Variants in DYNC2LI1 observed in about 807,000 individuals in gnomAD.
The protein encoded by DYNC2LI1 is cytoplasmic dynein 2 light intermediate chain 1.
DYNC2LI1 carries 45 observed loss-of-function variants against 51.9 expected under a neutral mutation model. The observed-to-expected ratio is 0.87, with a 90% confidence interval of 0.68 to 1.11. The LOEUF (loss-of-function observed/expected upper bound fraction) is 1.11. Among genes scored for constraint, DYNC2LI1 ranks in the 50% most tolerant of loss-of-function variants. DYNC2LI1 has a pLI of 0.00. For synonymous variants in DYNC2LI1, 130 were observed against 137.8 expected (o/e 0.94, Z 0.40); for missense variants, 490 against 417.4 (o/e 1.17, Z -1.51).
chr2:43,792,841 C>A, intron 5 of DYNC2LI1: 1 of 1,496,086 alleles, frequency 6.7e-7, no homozygotes, highest in Non-Finnish European at 8.9e-7. Context: ...TCCCTCACTT[C>A]TAAGGCTAAA....
downstream of DYNC2LI1, among the ~76,000 whole-genome samples, chr2:43,814,190 A>C (rs1172301258): frequency 6.6e-6 from 1 of 152,132 alleles, no homozygotes; most frequent in Non-Finnish European, 1.5e-5. Flanking sequence ...ACAGGAACTG[A>C]GTCTATCCAG....
At chr2:43,823,886 G>T in the DYNC2LI1 span, 1 of 1,610,820 alleles carries the variant, frequency 6.2e-7, no homozygotes, top group Non-Finnish European at 8.5e-7. Flanking sequence ...GGAGAAAGAG[G>T]TGCACCTCCA....
intron 12 of DYNC2LI1, among the ~76,000 whole-genome samples, chr2:43,808,531 A>ATATGT (rs1184895103): frequency 6.6e-6 from 1 of 152,216 alleles, no homozygotes; most frequent in Non-Finnish European, 1.5e-5. Flanking sequence ...ATTGAACAAC[A>ATATGT]TGTAGGAGGC....
chr2:43,814,128 C>A (rs1039318078), downstream of DYNC2LI1, among the ~76,000 whole-genome samples: 1 of 152,066 alleles, frequency 6.6e-6, no homozygotes, highest in Non-Finnish European at 1.5e-5. Context: ...GTACGATGTA[C>A]ATTTTGGGGA....
At chr2:43,783,770 T>C (rs1031063402) in intron 3 of DYNC2LI1, among the ~76,000 whole-genome samples, 1 of 152,204 alleles carries the variant, frequency 6.6e-6, no homozygotes, top group African/African-American at 2.4e-5. Flanking sequence ...ATTTCCCTAT[T>C]TGAGGGAGAA....
At chr2:43,779,266 A>G (rs1673166130) in intron 2 of DYNC2LI1, among the ~76,000 whole-genome samples, 1 of 152,190 alleles carries the variant, frequency 6.6e-6, no homozygotes, top group East Asian at 1.9e-4. Flanking sequence ...ACCTTGTTTC[A>G]AAAAAGAAAG....
At chr2:43,796,473 G>A (rs1379521059) in intron 7 of DYNC2LI1, among the ~76,000 whole-genome samples, 1 of 152,146 alleles carries the variant, frequency 6.6e-6, no homozygotes, top group Admixed American at 6.5e-5. Flanking sequence ...ACTATGAAAT[G>A]TGTGCTTATA....
At chr2:43,813,421 T>C (rs546689078), downstream of DYNC2LI1, 39 of 772,706 alleles carry the variant, frequency 5.0e-5, no homozygotes, top group Admixed American at 4.0e-4. Flanking sequence ...CAGGACACTT[T>C]AGCAAGCCCA....
intron 8 of DYNC2LI1, among the ~76,000 whole-genome samples, chr2:43,799,871 C>T (rs920203483): frequency 1.3e-5 from 2 of 152,196 alleles, no homozygotes; most frequent in African/African-American, 4.8e-5. Context: ...AGAAGCATTA[C>T]AATTATTTCA....
the DYNC2LI1 span, chr2:43,827,869 A>G: frequency 1.3e-6 from 2 of 1,499,436 alleles, no homozygotes; most frequent in South Asian, 1.2e-5. Flanking sequence ...CTGTGATTTC[A>G]GTTGTACACA....
chr2:43,822,349 C>T, the DYNC2LI1 span, among the ~76,000 whole-genome samples: 3 of 152,142 alleles, frequency 2.0e-5, no homozygotes, highest in East Asian at 1.9e-4. Context: ...CTGATGCTGC[C>T]CAATCCTGCT....
intron 12 of DYNC2LI1, 133 bp downstream of exon 12, chr2:43,805,379 G>A: frequency 2.0e-6 from 1 of 512,266 alleles, no homozygotes; most frequent in Non-Finnish European, 3.5e-6. Context: ...TATTTAAGTA[G>A]TACATCTATT....
intron 1 of DYNC2LI1, chr2:43,775,854 A>ATTT (rs57868887): frequency 0.015 from 757 of 50,360 alleles, 55 homozygotes; most frequent in South Asian, 0.031. Context: ...CACCTGGCCA[A>ATTT]TTTTTTTTTT....
At chr2:43,821,623 G>T in the DYNC2LI1 span, among the ~76,000 whole-genome samples, 5 of 152,086 alleles carry the variant, frequency 3.3e-5, no homozygotes, top group Non-Finnish European at 7.4e-5. Context: ...AGGTGTGCTG[G>T]ACAATGCCTA....
intron 3 of DYNC2LI1, among the ~76,000 whole-genome samples, chr2:43,786,649 C>T (rs1005985672): frequency 2.0e-5 from 3 of 152,024 alleles, no homozygotes; most frequent in African/African-American, 7.3e-5. Flanking sequence ...GTAGTGAAAC[C>T]CTGTCTTTAC....
chr2:43,782,300 T>C (rs1343591184), intron 2 of DYNC2LI1, among the ~76,000 whole-genome samples: 1 of 152,144 alleles, frequency 6.6e-6, no homozygotes, highest in African/African-American at 2.4e-5. Flanking sequence ...AGTTATTTTT[T>C]AATATATCTC....
At position 43,801,667 on chromosome 2, in the gene DYNC2LI1, C is replaced by A. The variant is rs751470646; in HGVS notation, c.760C>A (p.Pro254Thr). The A allele has an allele frequency of 6.8e-6, 11 of 1,610,096 alleles. No individual in the cohort carries two copies. Among genetic ancestry groups the A allele is most frequent in the Admixed American group, 1.7e-5 (1 of 59,582 alleles). Residue 254 changes from proline to threonine, a missense_variant, in exon 10 of 13, where the codon CCG (proline) becomes ACG (threonine). Pro to Thr is a conservative substitution (Grantham distance 38). Transcript: ENST00000260605. Reference sequence around the variant, plus strand: ...ATCAATATGTGTGGATCAGAATAAACCGCTGTTTATCACAGCAGGATTGGA... The same window carrying A: ...ATCAATATGTGTGGATCAGAATAAAACGCTGTTTATCACAGCAGGATTGGA... ...SKSICVDQNKPLFITAGLDSF... is the reference protein window; with the variant it reads ...SKSICVDQNKTLFITAGLDSF...
chr2:43,824,686 T>C, the DYNC2LI1 span: 2 of 970,022 alleles, frequency 2.1e-6, no homozygotes, highest in Non-Finnish European at 2.5e-6. Context: ...GTGCGCCAGT[T>C]TGTTTGAGAG....
At chr2:43,780,854 G>A (rs1673246825) in intron 2 of DYNC2LI1, among the ~76,000 whole-genome samples, 1 of 152,014 alleles carries the variant, frequency 6.6e-6, no homozygotes, top group Non-Finnish European at 1.5e-5. Context: ...TCATTTTGAT[G>A]GTCTCTAAAT....
Sources: allele counts gnomAD v4.1 joint callset (sites outside exome capture counted in the v4.1 genomes callset), GRCh38; gene constraint gnomAD v4.1.1; transcripts MANE v1.5; gene names NCBI Gene and HGNC (gene_info 2026-07-23, HGNC 2026-07-21).